Variants in BLTP3A observed in about 807,000 individuals in gnomAD.
The protein encoded by BLTP3A is bridge-like lipid transfer protein family member 3A.
the BLTP3A span, among the ~76,000 whole-genome samples, chr6:34,830,537 C>A: frequency 0.068 from 10,252 of 151,814 alleles, 557 homozygotes; most frequent in East Asian, 0.33. Context: ...TTGTAGTGAG[C>A]CGAGATCACA....
the BLTP3A span, among the ~76,000 whole-genome samples, chr6:34,826,001 A>G: frequency 7.2e-6 from 1 of 139,250 alleles, no homozygotes; most frequent in South Asian, 2.3e-4. Context: ...GTGGCTTACC[A>G]TTTTATATTC....
At chr6:34,875,861 AGTGTCAGCCCTT>A in the BLTP3A span, 1 of 152,602 alleles carries the variant, frequency 6.6e-6, no homozygotes, top group East Asian at 1.9e-4. Flanking sequence ...AAAAAGTAGC[AGTGTCAGCCCTT>A]TTGGACTGCT....
chr6:34,821,414 A>G, the BLTP3A span: 4 of 456,562 alleles, frequency 8.8e-6, no homozygotes, highest in Admixed American at 3.7e-5. Flanking sequence ...TATATGGTGT[A>G]GAGATGGTGT....
the BLTP3A span, among the ~76,000 whole-genome samples, chr6:34,821,160 A>G: frequency 6.6e-6 from 1 of 150,490 alleles, no homozygotes; most frequent in Non-Finnish European, 1.5e-5. Flanking sequence ...TTCTCCATGT[A>G]GGTCAGGCTG....
At chr6:34,816,721 C>T in the BLTP3A span, among the ~76,000 whole-genome samples, 1 of 152,298 alleles carries the variant, frequency 6.6e-6, no homozygotes, top group Admixed American at 6.5e-5. Context: ...TCCTTACTTC[C>T]ATCCTTGACA....
At chr6:34,849,383 T>G in the BLTP3A span, among the ~76,000 whole-genome samples, 1 of 152,156 alleles carries the variant, frequency 6.6e-6, no homozygotes, top group Non-Finnish European at 1.5e-5. Flanking sequence ...TACCCCATTA[T>G]TTTAAACTGA....
At chr6:34,834,916 C>A in the BLTP3A span, 1 of 1,578,778 alleles carries the variant, frequency 6.3e-7, no homozygotes, top group South Asian at 1.2e-5. Flanking sequence ...TATGAGACAG[C>A]CTGGATTTGG....
chr6:34,821,569 T>C, the BLTP3A span: 4 of 1,331,208 alleles, frequency 3.0e-6, no homozygotes, highest in Middle Eastern at 4.1e-4. Flanking sequence ...TTTTCTTTTC[T>C]CTAGATTCAG....
the BLTP3A span, among the ~76,000 whole-genome samples, chr6:34,822,253 ATT>A: frequency 1.0e-4 from 14 of 139,572 alleles, no homozygotes; most frequent in Non-Finnish European, 9.4e-5. Context: ...TTCCCTTGAA[ATT>A]TTTTTTTTTT....
the BLTP3A span, among the ~76,000 whole-genome samples, chr6:34,861,573 A>G: frequency 2.0e-5 from 3 of 152,210 alleles, no homozygotes; most frequent in Non-Finnish European, 2.9e-5. Flanking sequence ...TTTTCTTCCA[A>G]TCTTTGTATG....
chr6:34,817,716 C>G, the BLTP3A span, among the ~76,000 whole-genome samples: 1 of 152,200 alleles, frequency 6.6e-6, no homozygotes, highest in African/African-American at 2.4e-5. Flanking sequence ...GGTAAGCAGG[C>G]CTGTTCTTTG....
At chr6:34,800,128 A>G in the BLTP3A span, among the ~76,000 whole-genome samples, 1 of 152,106 alleles carries the variant, frequency 6.6e-6, no homozygotes, top group African/African-American at 2.4e-5. Context: ...TGACCTCAGC[A>G]TAGCTGAAAT....
chr6:34,842,680 C>T, the BLTP3A span, among the ~76,000 whole-genome samples: 1 of 151,916 alleles, frequency 6.6e-6, no homozygotes, highest in South Asian at 2.1e-4. Context: ...AAAGTTTAAC[C>T]TGACTGACAA....
the BLTP3A span, among the ~76,000 whole-genome samples, chr6:34,822,365 C>A: frequency 1.3e-5 from 2 of 151,740 alleles, no homozygotes; most frequent in East Asian, 1.9e-4. Context: ...GCCTCAGCCT[C>A]CTAAGTAGCT....
the BLTP3A span, among the ~76,000 whole-genome samples, chr6:34,816,380 G>C: frequency 8.4e-6 from 1 of 119,282 alleles, no homozygotes; most frequent in Non-Finnish European, 1.7e-5. Flanking sequence ...TGAGGTGGGA[G>C]GATTGCTTGA....
the BLTP3A span, among the ~76,000 whole-genome samples, chr6:34,844,915 A>G: frequency 1.3e-5 from 2 of 152,348 alleles, no homozygotes; most frequent in Non-Finnish European, 2.9e-5. Context: ...GCATTACTCA[A>G]GAAATCTTTG....
the BLTP3A span, among the ~76,000 whole-genome samples, chr6:34,835,647 A>G: frequency 1.3e-5 from 2 of 152,184 alleles, no homozygotes; most frequent in African/African-American, 4.8e-5. Context: ...CCTCCAGTGT[A>G]TTAAGTATAC....
the BLTP3A span, among the ~76,000 whole-genome samples, chr6:34,846,343 C>A: frequency 6.6e-6 from 1 of 151,914 alleles, no homozygotes; most frequent in Non-Finnish European, 1.5e-5. Context: ...TGGGGTTTCA[C>A]CATGTTGGCC....
chr6:34,830,335 TC>T, the BLTP3A span, among the ~76,000 whole-genome samples: 1 of 151,142 alleles, frequency 6.6e-6, no homozygotes, highest in Non-Finnish European at 1.5e-5. Flanking sequence ...ACGCCTGTAA[TC>T]CCAGCACTTT....
Sources: gnomAD v4.1 joint callset for allele counts (sites outside exome capture counted in the v4.1 genomes callset) on GRCh38, gnomAD v4.1.1 for gene constraint, MANE v1.5 for transcripts, NCBI Gene and HGNC (gene_info 2026-07-23, HGNC 2026-07-21) for gene names.